Variants in SOAT1 observed in about 807,000 individuals in gnomAD.
SOAT1 encodes the protein sterol O-acyltransferase 1, also known as acyl-coenzyme A:cholesterol acyltransferase 1.
Under a neutral mutation model 69.5 loss-of-function variants are expected in SOAT1, and 55 were observed. The ratio of observed to expected loss-of-function variants is 0.79; its 90% CI spans 0.64 to 0.99. The LOEUF (loss-of-function observed/expected upper bound fraction) is 0.99. Ranked by LOEUF, SOAT1 falls within the 50% of genes least tolerant of loss-of-function variation. The probability of loss-of-function intolerance (pLI) is 0.00; values close to 1 mark genes in which losing one functional copy is unlikely to be tolerated. For missense variants in SOAT1, 580 were observed against 669.3 expected, an observed-to-expected ratio of 0.87 and a Z score of 1.47; for synonymous variants, 231 against 224.7, an observed-to-expected ratio of 1.03 and a Z score of -0.25.
rs1287139264 is a variant in SOAT1, at chr1:179,356,574, C to G, written c.*2933C>G. The stretch of plus-strand genomic sequence containing the variant: ...TTTACCATGTTGCTCAGGCTGGTCT[C>G]AAACTCCTGGAGTCAAGGGATCTAT... On this transcript the variant is annotated 3_prime_UTR_variant, in exon 16 of 16. Coordinates refer to ENST00000367619, the MANE Select transcript of SOAT1 (RefSeq NM_003101.6). The G allele has an allele frequency of 1.4e-5, 2 of 142,638 alleles. No homozygotes were observed. The highest frequency in any genetic ancestry group is 3.0e-5 in the Non-Finnish European group (2 of 66,270). 8.8% of individuals were successfully genotyped at this position (142,638 alleles called of 1,614,324 possible).
chr1:179,312,867 C>T (rs1665266014), intron 2 of SOAT1, among the ~76,000 whole-genome samples: 1 of 152,200 alleles, frequency 6.6e-6, no homozygotes, highest in South Asian at 2.1e-4. Flanking sequence ...TCCATATCAT[C>T]CTTATTACCA....
intron 1 of SOAT1, among the ~76,000 whole-genome samples, chr1:179,299,573 G>C (rs954938483): frequency 6.6e-6 from 1 of 151,886 alleles, no homozygotes; most frequent in African/African-American, 2.4e-5. Context: ...AATAACAATA[G>C]TATCTGTCTT....
At chr1:179,316,636 A>T (rs1571418193) in intron 2 of SOAT1, among the ~76,000 whole-genome samples, 1 of 152,108 alleles carries the variant, frequency 6.6e-6, no homozygotes, top group Admixed American at 6.5e-5. Context: ...CAGGTGATCC[A>T]CCTGCCTTGG....
At chr1:179,325,447 C>T (rs539777872) in intron 3 of SOAT1, among the ~76,000 whole-genome samples, 3 of 152,234 alleles carry the variant, frequency 2.0e-5, no homozygotes, top group South Asian at 2.1e-4. Flanking sequence ...CTACCACGCT[C>T]GGCCTAAAAT....
In SOAT1 at chr1:179,351,623, T is replaced by C. The variant is rs13306733; in HGVS notation, c.1596+161T>C. ...AGCATTAGTTTATCATCTGATCTTA[T>C]TGTACTTGAAGTTTTTCCTTTTGTT... On this transcript the variant is annotated intron_variant, in intron 15 of 15. Coordinates refer to ENST00000367619, the MANE Select transcript of SOAT1 (RefSeq NM_003101.6). Among the ~76,000 whole-genome samples, 1,419 of 152,252 alleles carry C rather than the reference T, an allele frequency of 9.3e-3. 41 individuals carry two copies. Among genetic ancestry groups the C allele is most frequent in the Admixed American group, 0.056 (855 of 15,284 alleles).
intron 1 of SOAT1, among the ~76,000 whole-genome samples, chr1:179,302,365 G>A (rs1289813562): frequency 1.3e-5 from 2 of 152,146 alleles, no homozygotes; most frequent in Non-Finnish European, 2.9e-5. Context: ...TCTAGGGAGG[G>A]AACTGGTGGG....
chr1:179,357,322 C>T lies in SOAT1; in HGVS notation c.*3681C>T, dbSNP rs1458730123. 6.6e-6 allele frequency: 1 copy of T among 152,522 alleles called. No homozygotes were observed. The highest frequency in any genetic ancestry group is 2.4e-5 in the African/African-American group (1 of 41,450). 9.4% of individuals were successfully genotyped at this position (152,522 alleles called of 1,614,324 possible). A position where few individuals can be genotyped will look rare whatever the true frequency, so the allele number is the denominator to read the frequency against. Reference sequence around the variant, plus strand: ...GGTTCAAGCGATTCTCCTGCCTCAGCCTCCCGAGTAGCTGGCATTACAGGT... The same window carrying T: ...GGTTCAAGCGATTCTCCTGCCTCAGTCTCCCGAGTAGCTGGCATTACAGGT... On this transcript the variant is annotated 3_prime_UTR_variant, in exon 16 of 16. Transcript: ENST00000367619.
At chr1:179,344,109 A>C (rs1489774431) in intron 10 of SOAT1, among the ~76,000 whole-genome samples, 1 of 152,120 alleles carries the variant, frequency 6.6e-6, no homozygotes, top group Admixed American at 6.5e-5. Context: ...CGACAGAGCA[A>C]GACTCCATCT....
At chr1:179,332,379 T>C (rs1406499459) in intron 3 of SOAT1, among the ~76,000 whole-genome samples, 1 of 152,232 alleles carries the variant, frequency 6.6e-6, no homozygotes, top group Non-Finnish European at 1.5e-5. Context: ...TAACTATGTG[T>C]TCCAACCATA....
chr1:179,343,738 T>C (rs1271398592), intron 10 of SOAT1, 103 bp downstream of exon 10: 4 of 833,218 alleles, frequency 4.8e-6, no homozygotes, highest in Non-Finnish European at 7.7e-6. Flanking sequence ...CTAAGAATGC[T>C]TTCTGTTGAC....
In SOAT1 at chr1:179,357,061, A is replaced by AT. The variant is rs1434799624; in HGVS notation, c.*3421dup. 1 of 152,234 alleles carries AT rather than the reference A, an allele frequency of 6.6e-6. No individual in the cohort carries two copies. The highest frequency in any genetic ancestry group is 1.5e-5 in the Non-Finnish European group (1 of 68,064). The allele number at this position is 152,234 out of a possible 1,614,324, so 9.4% of individuals were successfully genotyped here. ...TTTCATGTAATTTATGTAATACTAC[A>AT]TAACAATGCTACATATGGTATGTAT... On this transcript the variant is annotated 3_prime_UTR_variant, in exon 16 of 16. Transcript: ENST00000367619.
intron 5 of SOAT1, among the ~76,000 whole-genome samples, chr1:179,338,780 C>T (rs1666239665): frequency 6.6e-6 from 1 of 151,926 alleles, no homozygotes; most frequent in Admixed American, 6.6e-5. Context: ...GGAAACAAAA[C>T]ATGTTTTCTA....
rs373054911 is a variant in SOAT1 at position 179,339,516 on chromosome 1, A to G, written c.468A>G (p.Thr156=). The G allele has an allele frequency of 3.0e-5, 49 of 1,611,710 alleles. No homozygotes were observed. Among genetic ancestry groups the G allele is most frequent in the Non-Finnish European group, 3.9e-5 (46 of 1,178,748 alleles). Residue 156 remains threonine, a synonymous_variant, in exon 6 of 16, where the codon ACA becomes ACG. Coordinates refer to ENST00000367619, the MANE Select transcript of SOAT1 (RefSeq NM_003101.6). ...TCCTCATTCTCTTTATCCTCAGCAC[A>G]CTTGTAGTAGATTACATTGATGAAG... ...IALLILFILS[T]LVVDYIDEGR... is the part of the protein sequence containing the mutation.
rs535850200 is a variant in SOAT1, at chr1:179,334,280, A to T, written c.178-1226A>T. On this transcript the variant is annotated intron_variant, in intron 3 of 15. Transcript: ENST00000367619. ...ATTATGTTACGTTTGTTTAGAAGTT[A>T]GAAGTTATATTAGAGTAGAATATGT... 2.6e-5 allele frequency among the ~76,000 whole-genome samples: 4 copies of T among 152,296 alleles called. No individual in the cohort carries two copies. The East Asian group carries it at 7.7e-4, about 29-fold the overall frequency.
At chr1:179,298,694 G>T (rs1664735466) in intron 1 of SOAT1, among the ~76,000 whole-genome samples, 1 of 152,056 alleles carries the variant, frequency 6.6e-6, no homozygotes, top group Non-Finnish European at 1.5e-5. Flanking sequence ...CTTAATATTA[G>T]CCTACAGTTG....
At chr1:179,300,615 A>G (rs889702336) in intron 1 of SOAT1, among the ~76,000 whole-genome samples, 1 of 152,224 alleles carries the variant, frequency 6.6e-6, no homozygotes, top group African/African-American at 2.4e-5. Context: ...CCCACCATGT[A>G]CTATATTTCA....
In SOAT1 at chr1:179,314,508, A is replaced by G. The variant is rs537056970; in HGVS notation, c.119-8929A>G. Among the ~76,000 whole-genome samples the G allele has an allele frequency of 9.4e-4, 143 of 152,316 alleles. 1 individual carries two copies. Among genetic ancestry groups the G allele is most frequent in the Admixed American group, 3.6e-3 (55 of 15,294 alleles). ...TGCACTCCACATTTCCGTTTTTGCT[A>G]AAGATATCACTATAATAGTATGGTA... On this transcript the variant is annotated intron_variant, in intron 2 of 15. Transcript: ENST00000367619.
intron 3 of SOAT1, among the ~76,000 whole-genome samples, chr1:179,331,631 G>T (rs1316628505): frequency 6.6e-6 from 1 of 152,120 alleles, no homozygotes; most frequent in South Asian, 2.1e-4. Context: ...TCAGTTGGGT[G>T]GGGGGCAGAC....
chr1:179,314,872 A>G (rs1213870493), intron 2 of SOAT1, among the ~76,000 whole-genome samples: 1 of 152,226 alleles, frequency 6.6e-6, no homozygotes, highest in Non-Finnish European at 1.5e-5. Context: ...AAGAGATAGC[A>G]TTTATTCATG....
Sources: allele counts gnomAD v4.1 joint callset (sites outside exome capture counted in the v4.1 genomes callset), GRCh38; gene constraint gnomAD v4.1.1; transcripts MANE v1.5; gene names NCBI Gene and HGNC (gene_info 2026-07-23, HGNC 2026-07-21).